Variants in BPTF observed in about 807,000 individuals in gnomAD.
The protein encoded by BPTF is nucleosome-remodeling factor subunit BPTF.
Under a neutral mutation model 292.5 loss-of-function variants are expected in BPTF, and 18 were observed. The observed-to-expected ratio is 0.06, with a 90% CI of 0.04 to 0.09. BPTF has a LOEUF of 0.09. Among genes scored for constraint, BPTF ranks in the 10% least tolerant of loss-of-function variants. The pLI, the probability that BPTF is intolerant of heterozygous loss-of-function variation, is 1.00. For synonymous variants in BPTF, 1,225 were observed against 1,251.9 expected (o/e 0.98, Z 0.45); for missense variants, 2,726 against 3,498.7 (o/e 0.78, Z 5.57).
rs536711500 is a variant in BPTF, at chr17:67,931,245, A to G, written c.6151-666A>G. On this transcript the variant is annotated intron_variant, in intron 17 of 27. Transcript: ENST00000306378. ...GTGCCACTGTACTCCAGCCTGGGCG[A>G]AAGAGCGAGATTCTGTCTCTAAATA... is the stretch of plus-strand genomic sequence containing the variant. Among the ~76,000 whole-genome samples the G allele has an allele frequency of 2.0e-5, 3 of 152,172 alleles. No individual in the cohort carries two copies. In the East Asian group the frequency reaches 5.8e-4, roughly 29 times the overall value.
chr17:67,932,925 T>C (rs1360934669), intron 18 of BPTF, among the ~76,000 whole-genome samples: 1 of 151,624 alleles, frequency 6.6e-6, no homozygotes, highest in Non-Finnish European at 1.5e-5. Flanking sequence ...AGGAAAAATT[T>C]ATGAAAAAGA....
chr17:67,913,246 A>C lies in BPTF; in HGVS notation c.5303+59A>C. ...AAAATTTTAAAAAGAATTATCTCAC[A>C]AGAATATCTCATTTTTAAAAAATGA... On this transcript the variant is annotated intron_variant, in intron 11 of 27. Transcript: ENST00000306378. 3 of 1,495,362 alleles carry C rather than the reference A, an allele frequency of 2.0e-6. No homozygotes were observed. In the Admixed American group the frequency reaches 6.9e-5, roughly 34 times the overall value. 92.6% of individuals were successfully genotyped at this position (1,495,362 alleles called of 1,614,324 possible).
chr17:67,899,296 T>C (rs2061661588), intron 7 of BPTF, among the ~76,000 whole-genome samples: 1 of 152,204 alleles, frequency 6.6e-6, no homozygotes, highest in African/African-American at 2.4e-5. Context: ...TTGGCTGTAG[T>C]AGACCTGTTT....
chr17:67,947,802 A>C lies in BPTF; in HGVS notation c.7694A>C (p.Asn2565Thr), dbSNP rs1555676191. Reference protein sequence around the residue: ...KSMTPAEREENQRMIVCNQVM... With the variant: ...KSMTPAEREETQRMIVCNQVM... Reference sequence around the variant, plus strand: ...ATGACTCCAGCTGAAAGAGAAGAGAATCAAAGGTAGGGGAGACGCAGGGTC... The same window carrying C: ...ATGACTCCAGCTGAAAGAGAAGAGACTCAAAGGTAGGGGAGACGCAGGGTC... Residue 2565 changes from asparagine to threonine, a missense_variant, in exon 22 of 28, where the codon AAT (asparagine) becomes ACT (threonine). Around this residue, in one of 22 missense-constraint regions of BPTF, gnomAD observed 570 missense variants for 633.5 expected, o/e 0.90. Coordinates refer to ENST00000306378, the MANE Select transcript of BPTF (RefSeq NM_182641.4). 6.4e-7 allele frequency: 1 copy of C among 1,551,978 alleles called. No individual in the cohort carries two copies. Among genetic ancestry groups the C allele is most frequent in the Admixed American group, 2.0e-5 (1 of 50,998 alleles).
At chr17:67,886,250 G>C in intron 4 of BPTF, 1 of 1,613,990 alleles carries the variant, frequency 6.2e-7, no homozygotes, top group South Asian at 1.1e-5. Flanking sequence ...ATCTGCTAAG[G>C]CAGCTGATGA....
chr17:67,858,294 C>A (rs2058840872), intron 2 of BPTF, among the ~76,000 whole-genome samples: 1 of 152,228 alleles, frequency 6.6e-6, no homozygotes, highest in Non-Finnish European at 1.5e-5. Context: ...TCCCAAACAT[C>A]TGGTCATGGT....
intron 4 of BPTF, among the ~76,000 whole-genome samples, chr17:67,881,303 C>A: frequency 6.6e-6 from 1 of 152,004 alleles, no homozygotes. Context: ...TATTCAGTTT[C>A]AACTGTCTTT....
intron 19 of BPTF, among the ~76,000 whole-genome samples, chr17:67,942,806 A>G (rs2065485086): frequency 6.6e-6 from 1 of 152,242 alleles, no homozygotes; most frequent in Admixed American, 6.5e-5. Flanking sequence ...GCCACACAGA[A>G]CTATGCAGAT....
intron 7 of BPTF, among the ~76,000 whole-genome samples, chr17:67,896,217 C>T (rs2061442323): frequency 6.6e-6 from 1 of 152,164 alleles, no homozygotes; most frequent in African/African-American, 2.4e-5. Flanking sequence ...CCGCCTTGGC[C>T]TCCCAAAGTG....
chr17:67,918,240 T>G (rs900409878), intron 11 of BPTF, among the ~76,000 whole-genome samples: 5 of 152,218 alleles, frequency 3.3e-5, no homozygotes, highest in African/African-American at 1.2e-4. Flanking sequence ...CTGACCTCAT[T>G]TTATTCTTTT....
At chr17:67,843,827 G>A (rs571138050) in intron 1 of BPTF, among the ~76,000 whole-genome samples, 85 of 138,462 alleles carry the variant, frequency 6.1e-4, no homozygotes, top group Admixed American at 2.1e-3. Context: ...ATGCAATGGC[G>A]CAATCGTGGC....
chr17:67,898,586 A>G (rs2061604925), intron 7 of BPTF, among the ~76,000 whole-genome samples: 1 of 151,924 alleles, frequency 6.6e-6, no homozygotes, highest in Non-Finnish European at 1.5e-5. Context: ...CTGGGATTAC[A>G]GGTGTGAGCC....
chr17:67,858,531 G>T (rs1216571785), intron 2 of BPTF, among the ~76,000 whole-genome samples: 1 of 148,342 alleles, frequency 6.7e-6, no homozygotes, highest in Non-Finnish European at 1.5e-5. Context: ...CTCCAGCCTG[G>T]GTGATGGAGT....
In BPTF at chr17:67,958,730, C is replaced by T. The variant is rs775544984; in HGVS notation, c.7927-811C>T. Among the ~76,000 whole-genome samples, 4 of 151,228 alleles carry T rather than the reference C, an allele frequency of 2.6e-5. No homozygotes were observed. The East Asian group carries it at 5.8e-4, about 22-fold the overall frequency. ...TAGGCAACAAAGCACTTTGGGAGGC[C>T]GAGGCGGGTGGATCACCTGAGGTCA... On this transcript the variant is annotated intron_variant, in intron 23 of 27. Transcript: ENST00000306378.
intron 4 of BPTF, among the ~76,000 whole-genome samples, chr17:67,882,190 A>G (rs1417079168): frequency 1.3e-5 from 2 of 152,068 alleles, no homozygotes; most frequent in African/African-American, 4.8e-5. Flanking sequence ...CACAGTACCT[A>G]TCCTGACTTG....
At chr17:67,905,413 A>G (rs1408164300) in intron 9 of BPTF, among the ~76,000 whole-genome samples, 1 of 151,936 alleles carries the variant, frequency 6.6e-6, no homozygotes, top group Non-Finnish European at 1.5e-5. Flanking sequence ...GTCTCAAAAA[A>G]AAAAAAATTC....
chr17:67,892,141 T>A (rs2061156765), intron 5 of BPTF, 107 bp downstream of exon 5: 8 of 850,368 alleles, frequency 9.4e-6, no homozygotes, highest in Admixed American at 3.6e-5. Flanking sequence ...TAGACCTATT[T>A]TTGAATTATA....
At chr17:67,886,287 A>G (rs749556331) in intron 4 of BPTF, 36 of 1,612,884 alleles carry the variant, frequency 2.2e-5, no homozygotes, top group Non-Finnish European at 2.8e-5. Context: ...AGAGAATCTC[A>G]TACACCTGTC....
At chr17:67,878,904 CTTG>C (rs1023739955) in intron 4 of BPTF, among the ~76,000 whole-genome samples, 4 of 151,994 alleles carry the variant, frequency 2.6e-5, no homozygotes, top group African/African-American at 9.7e-5. Flanking sequence ...GTAAATATAA[CTTG>C]TTGTGATGTA....
Sources: gnomAD v4.1 joint callset for allele counts (sites outside exome capture counted in the v4.1 genomes callset) on GRCh38, gnomAD v4.1.1 for gene constraint, gnomAD v4.1.1 regional missense constraint, MANE v1.5 for transcripts, NCBI Gene and HGNC (gene_info 2026-07-23, HGNC 2026-07-21) for gene names.